Variants in PDS5B observed in about 807,000 individuals in gnomAD.
The protein encoded by PDS5B is sister chromatid cohesion protein PDS5 homolog B.
PDS5B carries 51 observed loss-of-function variants against 184.1 expected under a neutral mutation model. That is an observed-to-expected ratio of 0.28 (90% CI 0.22 to 0.35). PDS5B has a LOEUF of 0.35. Among genes scored for constraint, PDS5B ranks in the 10% least tolerant of loss-of-function variants. The pLI is 1.00. For missense variants in PDS5B, 1,180 were observed against 1,723.3 expected (o/e 0.68, Z 5.58); for synonymous variants, 566 against 569.2 (o/e 0.99, Z 0.08).
intron 31 of PDS5B, among the ~76,000 whole-genome samples, chr13:32,766,831 G>A (rs1954601904): frequency 6.6e-6 from 1 of 151,954 alleles, no homozygotes; most frequent in Admixed American, 6.6e-5. Context: ...GTAGACATTG[G>A]GTTTTCTTTT....
intron 8 of PDS5B, among the ~76,000 whole-genome samples, chr13:32,674,355 G>T (rs911141876): frequency 2.0e-5 from 3 of 152,042 alleles, no homozygotes; most frequent in Admixed American, 1.3e-4. Context: ...ACCCCAAGTA[G>T]CCAGTAAATA....
intron 7 of PDS5B, among the ~76,000 whole-genome samples, chr13:32,668,105 A>G (rs1950848487): frequency 6.6e-6 from 1 of 152,110 alleles, no homozygotes; most frequent in South Asian, 2.1e-4. Context: ...TTGGTTAGCA[A>G]GATATTCTGT....
rs562924805 is a variant in PDS5B, at chr13:32,641,406, A to C, written c.-19-7348A>C. ...GGTATTCATTCCCATCATTTTCTGGACACTTTTTTCTCAAATATCCTGTCA... is the reference window on the plus strand; with the variant it reads ...GGTATTCATTCCCATCATTTTCTGGCCACTTTTTTCTCAAATATCCTGTCA... On this transcript the variant is annotated intron_variant, in intron 1 of 34. Coordinates refer to ENST00000315596, the MANE Select transcript of PDS5B (RefSeq NM_015032.4). Among the ~76,000 whole-genome samples, 3 of 151,752 alleles carry C rather than the reference A, an allele frequency of 2.0e-5. No homozygotes were observed. In the East Asian group the frequency reaches 5.8e-4, roughly 29 times the overall value.
chr13:32,603,029 T>C (rs566862539), intron 1 of PDS5B, among the ~76,000 whole-genome samples: 37 of 152,370 alleles, frequency 2.4e-4, no homozygotes, highest in Admixed American at 2.0e-3. Flanking sequence ...AAAAACTTTC[T>C]CCCATTCTGT....
intron 2 of PDS5B, 114 bp downstream of exon 2, chr13:32,648,994 G>A: frequency 1.5e-6 from 1 of 681,296 alleles, no homozygotes. Flanking sequence ...AAGCAAAGCA[G>A]CAAATGGCAT....
intron 19 of PDS5B, among the ~76,000 whole-genome samples, chr13:32,723,275 G>T (rs1441363062): frequency 6.6e-6 from 1 of 152,138 alleles, no homozygotes; most frequent in Non-Finnish European, 1.5e-5. Flanking sequence ...AATATGTCTA[G>T]AGAAATTTTA....
At chr13:32,653,935 A>G (rs555168167) in intron 3 of PDS5B, among the ~76,000 whole-genome samples, 2 of 152,286 alleles carry the variant, frequency 1.3e-5, no homozygotes, top group South Asian at 2.1e-4. Context: ...TCAAGGACCT[A>G]TTTCAGGGCT....
intron 19 of PDS5B, among the ~76,000 whole-genome samples, chr13:32,715,301 A>G (rs1265985494): frequency 1.3e-5 from 2 of 152,250 alleles, no homozygotes; most frequent in African/African-American, 2.4e-5. Context: ...TTAAGTATAC[A>G]GGACTCAGTA....
intron 13 of PDS5B, chr13:32,690,335 T>G (rs1224761611): frequency 6.6e-6 from 1 of 152,268 alleles, no homozygotes; most frequent in Non-Finnish European, 1.5e-5. Flanking sequence ...CCCATGATTC[T>G]GACTGGTTGA....
intron 5 of PDS5B, 94 bp downstream of exon 5, chr13:32,658,625 G>C (rs1950573285): frequency 6.4e-6 from 4 of 620,826 alleles, no homozygotes; most frequent in Admixed American, 3.2e-5. Context: ...ATGAATATTA[G>C]AAGGCTGAGA....
chr13:32,709,423 T>C (rs1952128626), intron 18 of PDS5B, among the ~76,000 whole-genome samples: 1 of 152,040 alleles, frequency 6.6e-6, no homozygotes, highest in Non-Finnish European at 1.5e-5. Flanking sequence ...AATCTAATTT[T>C]TTATATATTC....
At chr13:32,665,758 CTG>C (rs1318723419) in intron 6 of PDS5B, among the ~76,000 whole-genome samples, 2 of 151,838 alleles carry the variant, frequency 1.3e-5, no homozygotes, top group Admixed American at 1.3e-4. Context: ...TGGAATTGAA[CTG>C]TGTCTATCAA....
intron 1 of PDS5B, among the ~76,000 whole-genome samples, chr13:32,617,037 G>C (rs904192710): frequency 6.6e-6 from 1 of 151,968 alleles, no homozygotes; most frequent in African/African-American, 2.4e-5. Flanking sequence ...CAGTCTTTGC[G>C]TAGAGAACTC....
At position 32,770,768 on chromosome 13, in the gene PDS5B, T is replaced by G; in HGVS notation, c.4172+7T>G. 6.3e-7 allele frequency: 1 copy of G among 1,579,540 alleles called. No homozygotes were observed. The highest frequency in any genetic ancestry group is 8.6e-7 in the Non-Finnish European group (1 of 1,157,516). On this transcript the variant is annotated splice_region_variant and intron_variant, in intron 33 of 34. Coordinates refer to ENST00000315596, the MANE Select transcript of PDS5B (RefSeq NM_015032.4). ...CACAACCAAAAAAAAATGTGTAAGT[T>G]GTAAATATTACATTTCAAACCAATT...
rs74886550 is a variant in PDS5B, at chr13:32,654,204, C to T, written c.312+2197C>T. On this transcript the variant is annotated intron_variant, in intron 3 of 34. Transcript: ENST00000315596. ...TCTAAATATTTAAGAGATTTCACTT[C>T]GTCTTGATTAGCGGCAAATTCGTAT... Among the ~76,000 whole-genome samples the T allele has an allele frequency of 2.6e-5, 4 of 152,108 alleles. No homozygotes were observed. The East Asian group carries it at 5.8e-4, about 22-fold the overall frequency.
intron 21 of PDS5B, among the ~76,000 whole-genome samples, chr13:32,735,726 G>T (rs1032629138): frequency 2.0e-5 from 3 of 152,066 alleles, no homozygotes; most frequent in African/African-American, 7.2e-5. Context: ...TACATTGGGA[G>T]AGAACGAAAA....
chr13:32,708,757 A>C (rs1181140143), intron 18 of PDS5B, among the ~76,000 whole-genome samples: 1 of 152,114 alleles, frequency 6.6e-6, no homozygotes, highest in African/African-American at 2.4e-5. Flanking sequence ...TCCTTTGCTC[A>C]TACATCTACT....
intron 19 of PDS5B, among the ~76,000 whole-genome samples, chr13:32,725,657 A>G (rs371108566): frequency 2.6e-5 from 4 of 152,334 alleles, no homozygotes; most frequent in African/African-American, 9.6e-5. Flanking sequence ...GGATACTTAC[A>G]GTTCAAATTC....
intron 20 of PDS5B, 139 bp from the exon 21 acceptor site, chr13:32,735,033 A>G (rs939475828): frequency 2.0e-6 from 1 of 500,706 alleles, no homozygotes; most frequent in Non-Finnish European, 3.4e-6. Context: ...ATGTATATTT[A>G]TTGAAATTTT....
Sources: allele counts gnomAD v4.1 joint callset (sites outside exome capture counted in the v4.1 genomes callset), GRCh38; gene constraint gnomAD v4.1.1; transcripts MANE v1.5; gene names NCBI Gene and HGNC (gene_info 2026-07-23, HGNC 2026-07-21).